TNNI3K: variants seen among roughly 807,000 people sequenced by gnomAD.
TNNI3K encodes the protein serine/threonine-protein kinase TNNI3K.
Under a neutral mutation model 114.5 loss-of-function variants are expected in TNNI3K, and 140 were observed. The ratio of observed to expected loss-of-function variants is 1.22; its 90% CI spans 1.07 to 1.41. TNNI3K has a LOEUF of 1.41. Ranked by LOEUF, TNNI3K falls within the 40% of genes most tolerant of loss-of-function variation. The probability of loss-of-function intolerance (pLI) is 0.00; values close to 1 mark genes in which losing one functional copy is unlikely to be tolerated. For missense variants in TNNI3K, 1,125 were observed against 1,007.6 expected, an observed-to-expected ratio of 1.12 and a Z score of -1.58; for synonymous variants, 347 against 347.5, an observed-to-expected ratio of 1.00 and a Z score of 0.02.
At chr1:74,408,577 T>C (rs1278389239) in intron 17 of TNNI3K, among the ~76,000 whole-genome samples, 1 of 152,214 alleles carries the variant, frequency 6.6e-6, no homozygotes, top group Non-Finnish European at 1.5e-5. Context: ...GAAATCTAAG[T>C]CTGTGTGATA....
chr1:74,521,251 G>T (rs376217061), intron 23 of TNNI3K, among the ~76,000 whole-genome samples: 1 of 152,256 alleles, frequency 6.6e-6, no homozygotes, highest in South Asian at 2.1e-4. Flanking sequence ...TTCTCTGTGC[G>T]ATCTTGCCCA....
intron 20 of TNNI3K, among the ~76,000 whole-genome samples, chr1:74,461,095 A>C (rs1667435138): frequency 6.6e-6 from 1 of 152,214 alleles, no homozygotes; most frequent in Admixed American, 6.5e-5. Flanking sequence ...CCAAATGATC[A>C]TAAGGTAACA....
intron 17 of TNNI3K, among the ~76,000 whole-genome samples, chr1:74,417,354 G>T (rs1156316496): frequency 6.6e-6 from 1 of 152,064 alleles, no homozygotes; most frequent in Non-Finnish European, 1.5e-5. Context: ...CACAGTAGGT[G>T]TACTAATGCA....
intron 23 of TNNI3K, among the ~76,000 whole-genome samples, chr1:74,518,211 G>GA (rs1368652000): frequency 2.0e-5 from 3 of 151,984 alleles, no homozygotes; most frequent in Non-Finnish European, 2.9e-5. Flanking sequence ...ATCAATGGAG[G>GA]AAAAAAGAGT....
At chr1:74,436,574 GTAAAC>G (rs749019860) in intron 19 of TNNI3K, 48 bp downstream of exon 19, 1 of 1,556,768 alleles carries the variant, frequency 6.4e-7, no homozygotes, top group Non-Finnish European at 8.6e-7. Flanking sequence ...ATTAAAATAT[GTAAAC>G]TCAGCATGAG....
At chr1:74,256,788 C>A (rs1157603009) in intron 4 of TNNI3K, among the ~76,000 whole-genome samples, 1 of 151,978 alleles carries the variant, frequency 6.6e-6, no homozygotes, top group Admixed American at 6.6e-5. Flanking sequence ...ATATACATTG[C>A]ATCTATACAT....
intron 5 of TNNI3K, among the ~76,000 whole-genome samples, chr1:74,279,465 C>A (rs950390325): frequency 5.3e-5 from 8 of 152,166 alleles, no homozygotes; most frequent in Non-Finnish European, 8.8e-5. Flanking sequence ...TACCTCAGAC[C>A]TGCCTATAAT....
At chr1:74,435,670 A>C (rs925821021) in intron 17 of TNNI3K, among the ~76,000 whole-genome samples, 2 of 151,958 alleles carry the variant, frequency 1.3e-5, no homozygotes, top group African/African-American at 4.8e-5. Flanking sequence ...CTTTTCTTGA[A>C]CTGTCCTTGT....
intron 7 of TNNI3K, among the ~76,000 whole-genome samples, chr1:74,339,793 A>G (rs1660660254): frequency 6.6e-6 from 1 of 151,916 alleles, no homozygotes; most frequent in African/African-American, 2.4e-5. Flanking sequence ...TAAAATATTG[A>G]TGGACTGAAT....
chr1:74,448,924 C>A, intron 20 of TNNI3K, among the ~76,000 whole-genome samples: 1 of 63,262 alleles, frequency 1.6e-5, no homozygotes, highest in East Asian at 4.4e-4. Flanking sequence ...CTAAAATTCT[C>A]TTTTTTGGTT....
At chr1:74,368,624 C>A (rs780328881) in intron 13 of TNNI3K, among the ~76,000 whole-genome samples, 1 of 151,830 alleles carries the variant, frequency 6.6e-6, no homozygotes, top group African/African-American at 2.4e-5. Context: ...GTGATACGGA[C>A]TGGACTCCAG....
chr1:74,502,985 G>A (rs186682324), intron 23 of TNNI3K, among the ~76,000 whole-genome samples: 1 of 152,206 alleles, frequency 6.6e-6, no homozygotes, highest in South Asian at 2.1e-4. Flanking sequence ...AGTGACACTT[G>A]TGGACTAGCT....
chr1:74,265,323 T>C (rs1346979140), intron 4 of TNNI3K, among the ~76,000 whole-genome samples: 1 of 151,936 alleles, frequency 6.6e-6, no homozygotes, highest in Non-Finnish European at 1.5e-5. Flanking sequence ...CGCCAGCCCA[T>C]TGAGGAGCTC....
chr1:74,309,033 A>G (rs1658819675), intron 5 of TNNI3K, among the ~76,000 whole-genome samples: 1 of 152,166 alleles, frequency 6.6e-6, no homozygotes, highest in African/African-American at 2.4e-5. Context: ...CATAAAAAGC[A>G]CTGGACCAGA....
intron 5 of TNNI3K, 90 bp from the exon 6 acceptor site, chr1:74,331,360 A>C (rs2100412286): frequency 7.4e-7 from 1 of 1,349,880 alleles, no homozygotes; most frequent in African/African-American, 1.4e-5. Flanking sequence ...GCAACTCCTG[A>C]TGAAGATTTG....
chr1:74,336,183 A>C (rs202174912), intron 7 of TNNI3K, 34 bp downstream of exon 7: 1 of 1,580,376 alleles, frequency 6.3e-7, no homozygotes, highest in Non-Finnish European at 8.5e-7. Context: ...CTTTGCTATC[A>C]TTTGCTTTAT....
At chr1:74,293,312 T>C (rs1270529942) in intron 5 of TNNI3K, among the ~76,000 whole-genome samples, 2 of 151,722 alleles carry the variant, frequency 1.3e-5, no homozygotes, top group Non-Finnish European at 3.0e-5. Context: ...TAACCTACTG[T>C]TCTATTTGTT....
chr1:74,524,433 A>G (rs1193969108), intron 23 of TNNI3K, among the ~76,000 whole-genome samples: 2 of 152,208 alleles, frequency 1.3e-5, no homozygotes, highest in Non-Finnish European at 2.9e-5. Flanking sequence ...GGCCACAGCT[A>G]GAGTATGTAG....
intron 4 of TNNI3K, among the ~76,000 whole-genome samples, chr1:74,258,757 T>C (rs1006885103): frequency 4.6e-5 from 7 of 152,240 alleles, no homozygotes; most frequent in African/African-American, 1.4e-4. Context: ...TTCCATACTC[T>C]TTTCCTGTAG....
Sources: allele counts gnomAD v4.1 joint callset (sites outside exome capture counted in the v4.1 genomes callset), GRCh38; gene constraint gnomAD v4.1.1; transcripts MANE v1.5; gene names NCBI Gene and HGNC (gene_info 2026-07-23, HGNC 2026-07-21).